Variants in NCOA1 observed in about 807,000 individuals in gnomAD.
The protein encoded by NCOA1 is Hin-2 protein.
A neutral mutation model predicts 150.9 loss-of-function variants in NCOA1; 35 were observed. The observed-to-expected ratio is 0.23, with a 90% CI of 0.18 to 0.31. NCOA1 has a LOEUF of 0.31. Ranked by LOEUF, NCOA1 falls within the 10% of genes least tolerant of loss-of-function variation. NCOA1 has a pLI of 1.00. For missense variants in NCOA1, 1,491 were observed against 1,749.3 expected (o/e 0.85, Z 2.63); for synonymous variants, 590 against 630.0 (o/e 0.94, Z 0.95).
At chr2:24,610,652 A>G (rs997399135) in intron 3 of NCOA1, among the ~76,000 whole-genome samples, 1 of 151,676 alleles carries the variant, frequency 6.6e-6, no homozygotes, top group Non-Finnish European at 1.5e-5. Flanking sequence ...AATATATTAA[A>G]CATATTTAAT....
intron 18 of NCOA1, 61 bp from the exon 19 acceptor site, chr2:24,741,723 C>G (rs1459341186): frequency 6.0e-6 from 9 of 1,505,800 alleles, no homozygotes; most frequent in Non-Finnish European, 8.0e-6. Flanking sequence ...ATCCAATGAA[C>G]TTTCCAGGAT....
chr2:24,610,289 A>C (rs1455486887), intron 3 of NCOA1, among the ~76,000 whole-genome samples: 1 of 151,596 alleles, frequency 6.6e-6, no homozygotes, highest in African/African-American at 2.4e-5. Flanking sequence ...ACGCCCAGCT[A>C]ATTTTTTGTA....
rs1189639582 is a variant in NCOA1 at position 24,608,265 on chromosome 2, TATTA to T, written c.-175+23706_-175+23709del. 1.9e-4 allele frequency among the ~76,000 whole-genome samples: 27 copies of T among 141,280 alleles called. No individual in the cohort carries two copies. In the East Asian group the frequency reaches 5.2e-3, roughly 27 times the overall value. The allele number at this position is 141,280 out of a possible 152,430, so 92.7% of individuals were successfully genotyped here. On this transcript the variant is annotated intron_variant, in intron 3 of 22. Transcript: ENST00000348332. ...GTTCCCCTATTATTATTATTATTAT[TATTA>T]TTATTATTATTATTATTATTATTAT...
At chr2:24,718,406 T>A (rs1197403910) in intron 14 of NCOA1, among the ~76,000 whole-genome samples, 1 of 152,202 alleles carries the variant, frequency 6.6e-6, no homozygotes, top group East Asian at 1.9e-4. Flanking sequence ...TGTTCAGCAA[T>A]TTCTCATAAA....
intron 3 of NCOA1, among the ~76,000 whole-genome samples, chr2:24,589,184 A>G (rs1296909543): frequency 1.3e-5 from 2 of 151,980 alleles, no homozygotes; most frequent in African/African-American, 4.8e-5. Context: ...CTGGTTTCTT[A>G]CTGGTCTCTC....
chr2:24,507,892 T>C (rs1663774691), intron 1 of NCOA1, among the ~76,000 whole-genome samples: 1 of 152,210 alleles, frequency 6.6e-6, no homozygotes, highest in South Asian at 2.1e-4. Flanking sequence ...CCCAATTTCT[T>C]CTTTCTTTTT....
At chr2:24,567,354 A>G (rs576248145) in intron 2 of NCOA1, among the ~76,000 whole-genome samples, 2 of 152,300 alleles carry the variant, frequency 1.3e-5, no homozygotes, top group South Asian at 2.1e-4. Context: ...TTGTTTTTTT[A>G]GGTATATCTT....
chr2:24,754,205 A>G (rs1024565695), intron 20 of NCOA1, among the ~76,000 whole-genome samples: 5 of 152,024 alleles, frequency 3.3e-5, no homozygotes, highest in African/African-American at 9.7e-5. Flanking sequence ...CCCTTGCTGC[A>G]CCATCATTTA....
At chr2:24,721,207 C>G (rs761866254) in intron 14 of NCOA1, among the ~76,000 whole-genome samples, 3 of 152,096 alleles carry the variant, frequency 2.0e-5, no homozygotes, top group East Asian at 3.8e-4. Flanking sequence ...TCTAAACATT[C>G]TTTTTCTTAG....
At chr2:24,572,554 T>C (rs1666783173) in intron 2 of NCOA1, among the ~76,000 whole-genome samples, 2 of 152,150 alleles carry the variant, frequency 1.3e-5, no homozygotes, top group Non-Finnish European at 1.5e-5. Context: ...GAGAGAAGGC[T>C]CACAATTACA....
At chr2:24,724,445 G>A (rs554288366) in intron 14 of NCOA1, among the ~76,000 whole-genome samples, 1 of 152,206 alleles carries the variant, frequency 6.6e-6, no homozygotes, top group African/African-American at 2.4e-5. Flanking sequence ...AGTCGCAAAA[G>A]GTTGAAATGA....
At chr2:24,752,271 G>A in intron 20 of NCOA1, 115 bp downstream of exon 20, 2 of 1,211,718 alleles carry the variant, frequency 1.7e-6, no homozygotes, top group South Asian at 1.7e-5. Flanking sequence ...AAGAAGGCCG[G>A]ACACAAAAGG....
At chr2:24,556,406 G>A (rs947959690) in intron 1 of NCOA1, among the ~76,000 whole-genome samples, 6 of 152,154 alleles carry the variant, frequency 3.9e-5, no homozygotes, top group African/African-American at 9.7e-5. Context: ...ATGGGCATTT[G>A]GGATGATTCC....
chr2:24,517,829 T>C (rs1664268180), intron 1 of NCOA1, among the ~76,000 whole-genome samples: 1 of 152,194 alleles, frequency 6.6e-6, no homozygotes, highest in African/African-American at 2.4e-5. Flanking sequence ...TGCTAGGATT[T>C]ACAACTAGGA....
At chr2:24,496,055 TG>T in intron 1 of NCOA1, among the ~76,000 whole-genome samples, 1 of 152,318 alleles carries the variant, frequency 6.6e-6, no homozygotes, top group South Asian at 2.1e-4. Flanking sequence ...GGAGTCACAT[TG>T]ACTCTGTGGG....
intron 1 of NCOA1, among the ~76,000 whole-genome samples, chr2:24,547,646 G>A (rs1321884363): frequency 6.6e-6 from 1 of 151,994 alleles, no homozygotes; most frequent in Non-Finnish European, 1.5e-5. Flanking sequence ...TAATCAGTGA[G>A]GGGCTGATTA....
intron 15 of NCOA1, among the ~76,000 whole-genome samples, chr2:24,727,563 A>G (rs1012478559): frequency 6.6e-6 from 1 of 152,222 alleles, no homozygotes; most frequent in African/African-American, 2.4e-5. Flanking sequence ...AAGACTAGAT[A>G]GTATTGATTG....
intron 3 of NCOA1, among the ~76,000 whole-genome samples, chr2:24,607,343 T>G (rs1572482491): frequency 6.6e-6 from 1 of 152,116 alleles, no homozygotes. Flanking sequence ...TGTACTGTTT[T>G]GCATCTATGA....
chr2:24,557,908 A>G (rs1160278358), intron 1 of NCOA1, among the ~76,000 whole-genome samples: 2 of 151,448 alleles, frequency 1.3e-5, no homozygotes, highest in African/African-American at 4.9e-5. Context: ...CAGTTTGACT[A>G]TGATATATCC....
Sources: gnomAD v4.1 joint callset for allele counts (sites outside exome capture counted in the v4.1 genomes callset) on GRCh38, gnomAD v4.1.1 for gene constraint, MANE v1.5 for transcripts, NCBI Gene and HGNC (gene_info 2026-07-23, HGNC 2026-07-21) for gene names.